Variants in SHE observed in about 807,000 individuals in gnomAD.
SHE encodes the protein SH2 domain-containing adapter protein E.
A neutral mutation model predicts 49.8 loss-of-function variants in SHE; 11 were observed. The ratio of observed to expected loss-of-function variants is 0.22; its 90% CI spans 0.14 to 0.37. SHE has a LOEUF of 0.37. SHE is among the 10% of genes least tolerant of loss of function. The pLI is 1.00. For missense variants in SHE, 624 were observed against 655.5 expected, an observed-to-expected ratio of 0.95 and a Z score of 0.52; for synonymous variants, 310 against 278.1, an observed-to-expected ratio of 1.11 and a Z score of -1.14.
intron 1 of SHE, among the ~76,000 whole-genome samples, chr1:154,471,898 T>C (rs1237977715): frequency 1.3e-5 from 2 of 152,154 alleles, no homozygotes; most frequent in Non-Finnish European, 2.9e-5. Context: ...AGAAGCCAGG[T>C]ACAGTGGCTC....
At position 154,479,496 on chromosome 1, in the gene SHE, GT is replaced by G; in HGVS notation, c.*4652del. The stretch of plus-strand genomic sequence containing the variant: ...ACCACTGTAGTTTTCTTGGAATAAT[GT>G]TTATTTAAAGTTACATTTCAGAGGA... On this transcript the variant is annotated 3_prime_UTR_variant, in exon 6 of 6. Coordinates refer to ENST00000304760, the MANE Select transcript of SHE (RefSeq NM_001010846.3). The G allele has an allele frequency of 1.0e-6, 1 of 985,190 alleles. No homozygotes were observed. Among genetic ancestry groups the G allele is most frequent in the Non-Finnish European group, 1.2e-6 (1 of 829,766 alleles). The allele number at this position is 985,190 out of a possible 1,614,324, so 61.0% of individuals were successfully genotyped here. A position where few individuals can be genotyped will look rare whatever the true frequency, so the allele number is the denominator to read the frequency against.
intron 1 of SHE, among the ~76,000 whole-genome samples, chr1:154,471,705 CTGTG>C (rs1346788067): frequency 1.3e-5 from 2 of 150,048 alleles, no homozygotes; most frequent in African/African-American, 4.9e-5. Context: ...CTCTCTCTCT[CTGTG>C]TGTGTGTGTA....
In SHE at chr1:154,484,313, T is replaced by C; in HGVS notation, c.1324A>G (p.Ile442Val). The C allele has an allele frequency of 6.2e-7, 1 of 1,613,978 alleles. No homozygotes were observed. Among genetic ancestry groups the C allele is most frequent in the Non-Finnish European group, 8.5e-7 (1 of 1,179,840 alleles). Reference protein sequence around the residue: ...ALKTSQGCVHIIVAQTKDNKY... With the variant: ...ALKTSQGCVHVIVAQTKDNKY... ...TTGTCTTTGGTCTGAGCCACTATGATGTGGACACATCCTTGACTAGTCCTG... is the reference window on the plus strand; with the variant it reads ...TTGTCTTTGGTCTGAGCCACTATGACGTGGACACATCCTTGACTAGTCCTG... The change falls in exon 6 of 6, where the codon ATC becomes GTC. Residue 442 changes from isoleucine (I) to valine (V), a missense_variant. Transcript: ENST00000304760.
At chr1:154,473,654 A>G (rs1002884431) in intron 1 of SHE, among the ~76,000 whole-genome samples, 4 of 151,800 alleles carry the variant, frequency 2.6e-5, no homozygotes, top group Admixed American at 6.6e-5. Context: ...AATACAAAAA[A>G]CTAGCTGGGC....
downstream of SHE, among the ~76,000 whole-genome samples, chr1:154,477,446 T>C (rs1179900010): frequency 6.6e-6 from 1 of 152,182 alleles, no homozygotes; most frequent in Non-Finnish European, 1.5e-5. Flanking sequence ...GCTCAAGTGA[T>C]CCGCCTACTT....
At position 154,480,686 on chromosome 1, in the gene SHE, C is replaced by T; in HGVS notation, c.*3463G>A. Reference sequence around the variant, plus strand: ...AAGTGCTTTGAATAACTTAAAATGACACTTCTGCCCCCAACAGAGAGTAGA... The same window carrying T: ...AAGTGCTTTGAATAACTTAAAATGATACTTCTGCCCCCAACAGAGAGTAGA... On this transcript the variant is annotated 3_prime_UTR_variant, in exon 6 of 6. Coordinates refer to ENST00000304760, the MANE Select transcript of SHE (RefSeq NM_001010846.3). The T allele has an allele frequency of 1.5e-5, 15 of 985,410 alleles. No individual in the cohort carries two copies. The highest frequency in any genetic ancestry group is 1.6e-5 in the Non-Finnish European group (13 of 829,916). The allele number at this position is 985,410 out of a possible 1,614,324, so 61.0% of individuals were successfully genotyped here.
At position 154,481,340 on chromosome 1, in the gene SHE, C is replaced by G; in HGVS notation, c.*2809G>C. ...AATTTACTATATTTCTTCTTATAAC[C>G]TCCTGTACAACTGTAAAGCAACTGG... is the stretch of plus-strand genomic sequence containing the variant. On this transcript the variant is annotated 3_prime_UTR_variant, in exon 6 of 6. Transcript: ENST00000304760. The G allele has an allele frequency of 1.0e-6, 1 of 985,446 alleles. No individual in the cohort carries two copies. Among genetic ancestry groups the G allele is most frequent in the Non-Finnish European group, 1.2e-6 (1 of 829,938 alleles). 61.0% of individuals were successfully genotyped at this position (985,446 alleles called of 1,614,324 possible).
intron 2 of SHE, among the ~76,000 whole-genome samples, chr1:154,494,374 G>GT (rs779645667): frequency 0.035 from 4,174 of 118,708 alleles, 119 homozygotes; most frequent in African/African-American, 0.067. Flanking sequence ...AGACATAACA[G>GT]TTTTTTTTTT....
rs903975982 is a variant in SHE at position 154,481,851 on chromosome 1, T to C, written c.*2298A>G. On this transcript the variant is annotated 3_prime_UTR_variant, in exon 6 of 6. Coordinates refer to ENST00000304760, the MANE Select transcript of SHE (RefSeq NM_001010846.3). ...TGAAAAAAACATTCCTTTTGGTTTT[T>C]TGTTTGCTTGCTTGTTGAGACAGGG... The C allele has an allele frequency of 3.1e-6, 3 of 957,630 alleles. No individual in the cohort carries two copies. Among genetic ancestry groups the C allele is most frequent in the Non-Finnish European group, 2.5e-6 (2 of 804,708 alleles). 59.3% of individuals were successfully genotyped at this position (957,630 alleles called of 1,614,324 possible).
intron 2 of SHE, among the ~76,000 whole-genome samples, chr1:154,497,898 A>T (rs1692585597): frequency 6.6e-6 from 1 of 151,336 alleles, no homozygotes; most frequent in South Asian, 2.1e-4. Flanking sequence ...GGTCAGGCTG[A>T]TCTCGAACTC....
At chr1:154,478,773 C>T (rs1489805739), downstream of SHE, among the ~76,000 whole-genome samples, 2 of 152,176 alleles carry the variant, frequency 1.3e-5, no homozygotes, top group Non-Finnish European at 2.9e-5. Context: ...TCTAATTGCT[C>T]GGGTGGTGGG....
downstream of SHE, among the ~76,000 whole-genome samples, chr1:154,478,217 G>A (rs906241038): frequency 6.6e-6 from 1 of 152,194 alleles, no homozygotes; most frequent in Admixed American, 6.5e-5. Flanking sequence ...GGTCTACAAG[G>A]TCAAGGAGCC....
In SHE at chr1:154,482,255, C is replaced by G; in HGVS notation, c.*1894G>C. The G allele has an allele frequency of 1.1e-6, 1 of 903,820 alleles. No individual in the cohort carries two copies. The highest frequency in any genetic ancestry group is 1.2e-4 in the East Asian group (1 of 8,406). 56.0% of individuals were successfully genotyped at this position (903,820 alleles called of 1,614,324 possible). On this transcript the variant is annotated 3_prime_UTR_variant, in exon 6 of 6. Transcript: ENST00000304760. ...TCTCAAACTCCTGACCTCACGTGAT[C>G]TGCCTGCCTCAGCCTCCCAAATTGT...
intron 2 of SHE, among the ~76,000 whole-genome samples, chr1:154,498,266 A>AT (rs903646231): frequency 2.3e-4 from 33 of 140,628 alleles, no homozygotes; most frequent in South Asian, 4.5e-4. Context: ...CTAATTTTGT[A>AT]TTTTTTTTTA....
At chr1:154,478,254 A>C (rs16836032), downstream of SHE, among the ~76,000 whole-genome samples, 1,155 of 152,278 alleles carry the variant, frequency 7.6e-3, 38 homozygotes, top group East Asian at 0.071. Flanking sequence ...GATGTGCAAC[A>C]AATTATACTG....
In SHE at chr1:154,489,124, G is replaced by A. The variant is rs149699425; in HGVS notation, c.951C>T (p.Asn317=). ...CGTACTCTGCCGCGGGCCTCTCGTC[G>A]TTCTCGGGCAGCCGGCTGTCTGGGG... is the stretch of plus-strand genomic sequence containing the variant. ...ARPPDSRLPE[N]DERPAAEYEQ... The change falls in exon 3 of 6, where the codon AAC becomes AAT. Residue 317 remains asparagine, a synonymous_variant. Transcript: ENST00000304760. The A allele has an allele frequency of 6.7e-5, 108 of 1,613,614 alleles. No individual in the cohort carries two copies. In the African/African-American group the frequency reaches 1.1e-3, roughly 17 times the overall value.
At chr1:154,472,542 T>G (rs1691770380) in intron 1 of SHE, among the ~76,000 whole-genome samples, 1 of 152,204 alleles carries the variant, frequency 6.6e-6, no homozygotes, top group African/African-American at 2.4e-5. Context: ...GGGTTCCTCA[T>G]ACTTCCGGAC....
At chr1:154,489,802 T>A (rs981705934) in intron 2 of SHE, among the ~76,000 whole-genome samples, 1 of 152,206 alleles carries the variant, frequency 6.6e-6, no homozygotes, top group Non-Finnish European at 1.5e-5. Flanking sequence ...AAGTCAAAAA[T>A]GCACTTAATA....
Position 154,489,225 on chromosome 1 carries a change from C to T in SHE, c.850G>A (p.Gly284Arg), listed in dbSNP as rs1182416906. 1 of 1,614,150 alleles carries T rather than the reference C, an allele frequency of 6.2e-7. No homozygotes were observed. The highest frequency in any genetic ancestry group is 8.5e-7 in the Non-Finnish European group (1 of 1,180,006). ...GTGTCGTATAGCTGTGGCGGCTTCC[C>T]CAGGAGGTCCTTGGAACTCCGTCTT... ...AKRRSSKDLL[G>R]KPPQLYDTPY... is the part of the protein sequence containing the mutation. The change falls in exon 3 of 6, where the codon GGG becomes AGG. Residue 284 changes from glycine (G) to arginine (R), a missense_variant. By Grantham distance (125) the Gly-to-Arg change is moderately radical. Coordinates refer to ENST00000304760, the MANE Select transcript of SHE (RefSeq NM_001010846.3).
Sources: gnomAD v4.1 joint callset for allele counts (sites outside exome capture counted in the v4.1 genomes callset) on GRCh38, gnomAD v4.1.1 for gene constraint, MANE v1.5 for transcripts, NCBI Gene and HGNC (gene_info 2026-07-23, HGNC 2026-07-21) for gene names.